KHDRBS2: variants seen among roughly 807,000 people sequenced by gnomAD.
KHDRBS2 encodes KH RNA binding domain containing, signal transduction associated 2.
A neutral mutation model predicts 44.3 loss-of-function variants in KHDRBS2; 26 were observed. That is an observed-to-expected ratio of 0.59 (90% CI 0.43 to 0.81). The LOEUF (loss-of-function observed/expected upper bound fraction) is 0.81. Ranked by LOEUF, KHDRBS2 falls within the 40% of genes least tolerant of loss-of-function variation. KHDRBS2 has a pLI of 0.00. For missense variants in KHDRBS2, 476 were observed against 433.1 expected (o/e 1.10, Z -0.88); for synonymous variants, 194 against 151.1 (o/e 1.28, Z -2.08).
At chr6:61,761,696 A>T (rs1391736330) in intron 6 of KHDRBS2, among the ~76,000 whole-genome samples, 1 of 152,318 alleles carries the variant, frequency 6.6e-6, no homozygotes, top group Non-Finnish European at 1.5e-5. Flanking sequence ...GAACTACAGA[A>T]TTTGAGATCA....
chr6:61,825,383 T>C (rs1336976753), intron 6 of KHDRBS2, among the ~76,000 whole-genome samples: 3 of 152,188 alleles, frequency 2.0e-5, no homozygotes, highest in Non-Finnish European at 4.4e-5. Flanking sequence ...ATAGCTGCCA[T>C]AATTCTGCAT....
the KHDRBS2 span, among the ~76,000 whole-genome samples, chr6:61,669,844 T>G: frequency 1.3e-5 from 2 of 151,196 alleles, no homozygotes; most frequent in African/African-American, 4.8e-5. Context: ...ATGATACAAC[T>G]TTAATCATCC....
chr6:62,238,470 T>G (rs1834056712), intron 1 of KHDRBS2, among the ~76,000 whole-genome samples: 3 of 152,152 alleles, frequency 2.0e-5, no homozygotes, highest in African/African-American at 7.2e-5. Context: ...GATACCTATT[T>G]GTAAAATAAA....
intron 4 of KHDRBS2, among the ~76,000 whole-genome samples, chr6:61,932,381 C>T (rs1335430436): frequency 6.6e-6 from 1 of 152,152 alleles, no homozygotes; most frequent in African/African-American, 2.4e-5. Context: ...TTTATTCCTC[C>T]TATCTAACTG....
intron 6 of KHDRBS2, among the ~76,000 whole-genome samples, chr6:61,862,126 G>T (rs1339679601): frequency 6.6e-6 from 1 of 152,044 alleles, no homozygotes; most frequent in Non-Finnish European, 1.5e-5. Flanking sequence ...CAGATAGCTG[G>T]GATGGGATTT....
At chr6:62,061,891 C>G (rs201893842) in intron 2 of KHDRBS2, among the ~76,000 whole-genome samples, 1 of 151,242 alleles carries the variant, frequency 6.6e-6, no homozygotes, top group Non-Finnish European at 1.5e-5. Flanking sequence ...TCTTTTTTCT[C>G]TAAACTTCCC....
the KHDRBS2 span, among the ~76,000 whole-genome samples, chr6:61,559,191 G>C: frequency 6.6e-6 from 1 of 152,072 alleles, no homozygotes; most frequent in African/African-American, 2.4e-5. Context: ...TTTTCCTAAA[G>C]TTTTTGTCTT....
chr6:61,916,637 G>T (rs1435555158), intron 4 of KHDRBS2, among the ~76,000 whole-genome samples: 2 of 151,876 alleles, frequency 1.3e-5, no homozygotes, highest in African/African-American at 4.8e-5. Flanking sequence ...AGACATATCT[G>T]ATCAAGGACT....
chr6:61,676,671 TC>T (rs1765963340), downstream of KHDRBS2, among the ~76,000 whole-genome samples: 1 of 151,858 alleles, frequency 6.6e-6, no homozygotes, highest in South Asian at 2.1e-4. Context: ...TATAGATACT[TC>T]TACAGGATTG....
the KHDRBS2 span, among the ~76,000 whole-genome samples, chr6:61,610,563 C>T: frequency 3.7e-3 from 567 of 152,208 alleles, 10 homozygotes; most frequent in Admixed American, 0.031. Flanking sequence ...ACCAGGATGG[C>T]GCACACACTT....
At chr6:61,663,514 T>TATATATATATATATATATATATATATAA in the KHDRBS2 span, among the ~76,000 whole-genome samples, 27 of 99,922 alleles carry the variant, frequency 2.7e-4, 2 homozygotes, top group Non-Finnish European at 3.1e-4. Flanking sequence ...TATATATATA[T>TATATATATATATATATATATATATATAA]ATATATATAT....
intron 1 of KHDRBS2, among the ~76,000 whole-genome samples, chr6:62,261,019 G>T (rs1253454268): frequency 6.6e-6 from 1 of 151,718 alleles, no homozygotes; most frequent in Non-Finnish European, 1.5e-5. Context: ...CTGGTCACTG[G>T]CAATATATTT....
chr6:61,780,066 A>G (rs1782700252), intron 6 of KHDRBS2, among the ~76,000 whole-genome samples: 1 of 152,254 alleles, frequency 6.6e-6, no homozygotes, highest in Non-Finnish European at 1.5e-5. Flanking sequence ...TACCCTCAGT[A>G]TATTTTTCTC....
At chr6:61,842,840 G>A (rs981900935) in intron 6 of KHDRBS2, among the ~76,000 whole-genome samples, 3 of 151,676 alleles carry the variant, frequency 2.0e-5, no homozygotes, top group Non-Finnish European at 4.4e-5. Context: ...ACTGATGAAT[G>A]CATAAACAAA....
the KHDRBS2 span, among the ~76,000 whole-genome samples, chr6:61,658,852 G>GAACAAAGTTC: frequency 6.8e-6 from 1 of 147,766 alleles, no homozygotes; most frequent in African/African-American, 2.5e-5. Context: ...GTTCTTTGCA[G>GAACAAAGTTC]TATACAGAAC....
chr6:61,849,786 T>C (rs1795174939), intron 6 of KHDRBS2, among the ~76,000 whole-genome samples: 1 of 152,120 alleles, frequency 6.6e-6, no homozygotes, highest in Non-Finnish European at 1.5e-5. Context: ...CCCCTTGTGG[T>C]TCAAGGTTTA....
chr6:61,909,095 C>A (rs1325030476), intron 4 of KHDRBS2, among the ~76,000 whole-genome samples: 1 of 148,842 alleles, frequency 6.7e-6, no homozygotes, highest in South Asian at 2.1e-4. Context: ...GAGATGGGGT[C>A]TCTCTCTGTT....
downstream of KHDRBS2, among the ~76,000 whole-genome samples, chr6:61,678,408 C>G (rs1030616753): frequency 6.6e-6 from 1 of 151,910 alleles, no homozygotes; most frequent in Non-Finnish European, 1.5e-5. Flanking sequence ...ACTGATCAGT[C>G]TAATGGGATA....
intron 8 of KHDRBS2, among the ~76,000 whole-genome samples, chr6:61,683,123 A>G (rs1766478291): frequency 2.6e-5 from 4 of 151,928 alleles, no homozygotes; most frequent in East Asian, 1.9e-4. Flanking sequence ...AAGTTTTCCC[A>G]GGAAATAGAA....
Sources: allele counts gnomAD v4.1 joint callset (sites outside exome capture counted in the v4.1 genomes callset), GRCh38; gene constraint gnomAD v4.1.1; transcripts MANE v1.5; gene names NCBI Gene and HGNC (gene_info 2026-07-23, HGNC 2026-07-21).